The following NHSL1 variants were observed in gnomAD, a reference collection of about 807,000 sequenced individuals.
NHSL1 encodes the protein NHS like 1, also known as NHS-like protein 1.
Under a neutral mutation model 95.0 loss-of-function variants are expected in NHSL1, and 48 were observed. That is an observed-to-expected ratio of 0.51 (90% CI 0.40 to 0.64). NHSL1 has a LOEUF of 0.64. Among genes scored for constraint, NHSL1 ranks in the 30% least tolerant of loss-of-function variants. The pLI is 0.00. For synonymous variants in NHSL1, 783 were observed against 833.9 expected (o/e 0.94, Z 1.05); for missense variants, 1,971 against 2,077.7 (o/e 0.95, Z 1.00).
At chr6:138,638,926 C>T (rs1052580315) in intron 1 of NHSL1, among the ~76,000 whole-genome samples, 3 of 152,182 alleles carry the variant, frequency 2.0e-5, no homozygotes, top group Non-Finnish European at 4.4e-5. Context: ...CAGGCCAAAC[C>T]AGAGAGAAAC....
chr6:138,460,987 G>A (rs888463436), intron 3 of NHSL1, among the ~76,000 whole-genome samples: 8 of 151,942 alleles, frequency 5.3e-5, no homozygotes, highest in African/African-American at 1.9e-4. Flanking sequence ...CAGGATGCCT[G>A]AATTGAGGTT....
upstream of NHSL1, among the ~76,000 whole-genome samples, chr6:138,577,164 A>T (rs1186720737): frequency 1.3e-5 from 2 of 152,222 alleles, no homozygotes; most frequent in Non-Finnish European, 2.9e-5. Context: ...CTGAAAAAGG[A>T]GTTTATCATA....
intron 2 of NHSL1, among the ~76,000 whole-genome samples, chr6:138,489,839 AGAGAGG>A (rs1562321443): frequency 0.013 from 929 of 73,426 alleles, 63 homozygotes; most frequent in African/African-American, 0.056. Context: ...AGAGAGAGAG[AGAGAGG>A]GAGAGAGGGA....
chr6:138,540,412 A>C (rs1473766985), intron 1 of NHSL1, among the ~76,000 whole-genome samples: 2 of 152,218 alleles, frequency 1.3e-5, no homozygotes, highest in Non-Finnish European at 2.9e-5. Context: ...TACCAGATTT[A>C]AGAAGGGGCT....
Position 138,472,650 on chromosome 6 carries a change from C to T in NHSL1, c.339+656G>A, listed in dbSNP as rs372983462. On this transcript the variant is annotated intron_variant, in intron 3 of 7. Transcript: ENST00000343505. The stretch of plus-strand genomic sequence containing the variant: ...TACTTAGTAAATGAAAATAAAACTA[C>T]ATAAATGAAAATCTTCATATATTTT... 1.8e-4 allele frequency among the ~76,000 whole-genome samples: 27 copies of T among 152,236 alleles called. 1 individual carries two copies. Among genetic ancestry groups the T allele is most frequent in the Admixed American group, 1.4e-3 (22 of 15,292 alleles).
At chr6:138,469,284 A>C (rs1398843617) in intron 3 of NHSL1, among the ~76,000 whole-genome samples, 2 of 152,224 alleles carry the variant, frequency 1.3e-5, no homozygotes, top group African/African-American at 4.8e-5. Flanking sequence ...CCCTCACTTC[A>C]ACCTGAAGAC....
At chr6:138,674,146 A>T (rs192180526) in intron 1 of NHSL1, among the ~76,000 whole-genome samples, 12 of 151,176 alleles carry the variant, frequency 7.9e-5, no homozygotes, top group Middle Eastern at 3.4e-3. Flanking sequence ...AAAGCAACAA[A>T]TTTTTTTTTT....
chr6:138,475,853 C>T (rs1779036785), intron 2 of NHSL1, among the ~76,000 whole-genome samples: 1 of 152,096 alleles, frequency 6.6e-6, no homozygotes, highest in Non-Finnish European at 1.5e-5. Context: ...ATCCCAGCTA[C>T]TCCATAGGCT....
chr6:138,455,543 C>T lies in NHSL1; in HGVS notation c.340-8350G>A, dbSNP rs375292062. On this transcript the variant is annotated intron_variant, in intron 3 of 7. Coordinates refer to ENST00000343505, the MANE Select transcript of NHSL1 (RefSeq NM_001144060.2). ...GCAAGGAGCCCCGCCTTCACATGCTCCCTGCAAGGAGCCCCGCCTTCGCAT... is the reference window on the plus strand; with the variant it reads ...GCAAGGAGCCCCGCCTTCACATGCTTCCTGCAAGGAGCCCCGCCTTCGCAT... Among the ~76,000 whole-genome samples the T allele has an allele frequency of 1.6e-3, 63 of 39,938 alleles. 1 individual carries two copies. Among genetic ancestry groups the T allele is most frequent in the East Asian group, 9.0e-3 (22 of 2,434 alleles). 26.2% of individuals were successfully genotyped at this position (39,938 alleles called of 152,430 possible).
intron 5 of NHSL1, among the ~76,000 whole-genome samples, chr6:138,439,308 T>G (rs980241027): frequency 6.6e-6 from 1 of 152,204 alleles, no homozygotes; most frequent in African/African-American, 2.4e-5. Flanking sequence ...CTTTTTTGTC[T>G]AATTTGTTTG....
At chr6:138,633,446 A>C (rs986758353) in intron 1 of NHSL1, among the ~76,000 whole-genome samples, 1 of 152,242 alleles carries the variant, frequency 6.6e-6, no homozygotes, top group Non-Finnish European at 1.5e-5. Flanking sequence ...GCAAGGAAAA[A>C]GAAACAGCAT....
intron 4 of NHSL1, among the ~76,000 whole-genome samples, chr6:138,446,061 T>C (rs9389581): frequency 0.064 from 9,484 of 149,028 alleles, 802 homozygotes; most frequent in East Asian, 0.36. Context: ...TGAGGTGAAG[T>C]TTTGCTCCTT....
chr6:138,693,105 G>A (rs554106936), upstream of NHSL1, among the ~76,000 whole-genome samples: 148 of 151,738 alleles, frequency 9.8e-4, 1 homozygote, highest in African/African-American at 3.4e-3. The surrounding 1 kb of genome is among the most constrained non-coding windows in gnomAD (Gnocchi z 4.3). Context: ...GGCGGCGAGG[G>A]GAGCCGCGAG....
intron 1 of NHSL1, among the ~76,000 whole-genome samples, chr6:138,672,920 G>A (rs1311880909): frequency 6.6e-6 from 1 of 152,118 alleles, no homozygotes; most frequent in Non-Finnish European, 1.5e-5. Context: ...GGGCGGCTGA[G>A]GCAGGAAAAT....
chr6:138,562,829 T>G (rs953123683), intron 1 of NHSL1, among the ~76,000 whole-genome samples: 2 of 152,140 alleles, frequency 1.3e-5, no homozygotes, highest in East Asian at 3.8e-4. Flanking sequence ...CTGCACGCCA[T>G]AACCAGAGCA....
intron 1 of NHSL1, among the ~76,000 whole-genome samples, chr6:138,560,540 T>A (rs1477983618): frequency 1.3e-5 from 2 of 152,182 alleles, no homozygotes; most frequent in Non-Finnish European, 2.9e-5. Context: ...AACTCAGCAA[T>A]GAAATGACTT....
chr6:138,552,427 A>G (rs1046829847), intron 1 of NHSL1, among the ~76,000 whole-genome samples: 16 of 151,938 alleles, frequency 1.1e-4, no homozygotes, highest in African/African-American at 3.9e-4. Context: ...CCCCCAGGAG[A>G]TATATAGATA....
At chr6:138,593,604 C>T (rs1784262079) in intron 1 of NHSL1, among the ~76,000 whole-genome samples, 1 of 152,216 alleles carries the variant, frequency 6.6e-6, no homozygotes, top group Non-Finnish European at 1.5e-5. Flanking sequence ...AAACAACAAA[C>T]TCACTTTCAT....
chr6:138,612,075 A>C (rs887457165), intron 1 of NHSL1, among the ~76,000 whole-genome samples: 22 of 138,196 alleles, frequency 1.6e-4, no homozygotes, highest in African/African-American at 5.9e-4. Context: ...ACGCCACTGC[A>C]CTCCAGCCTG....
Sources: allele counts gnomAD v4.1 joint callset (sites outside exome capture counted in the v4.1 genomes callset), GRCh38; gene constraint gnomAD v4.1.1; non-coding constraint Gnocchi (gnomAD v3.1); transcripts MANE v1.5; gene names NCBI Gene and HGNC (gene_info 2026-07-23, HGNC 2026-07-21).